The following USP24 variants were observed in gnomAD, a reference collection of about 807,000 sequenced individuals.
USP24 encodes ubiquitin carboxyl-terminal hydrolase 24.
USP24 carries 97 observed loss-of-function variants against 361.6 expected under a neutral mutation model. That is an observed-to-expected ratio of 0.27 (90% CI 0.23 to 0.32). The LOEUF (loss-of-function observed/expected upper bound fraction) is 0.32, where lower values mean the gene tolerates loss of function less well. Among genes scored for constraint, USP24 ranks in the 10% least tolerant of loss-of-function variants. The probability of loss-of-function intolerance (pLI) is 1.00; values close to 1 mark genes in which losing one functional copy is unlikely to be tolerated. For missense variants in USP24, 2,353 were observed against 3,165.6 expected (o/e 0.74, Z 6.16); for synonymous variants, 1,098 against 1,124.6 (o/e 0.98, Z 0.47).
Position 55,137,507 on chromosome 1 carries a change from C to A in USP24, c.3201+8G>T. 1.9e-6 allele frequency: 3 copies of A among 1,611,852 alleles called. No homozygotes were observed. In the South Asian group the frequency reaches 3.3e-5, roughly 18 times the overall value. ...CTTGTTTTTAAATGGAAATTGATCA[C>A]CCAGTACCTGCTCCATGGCATATGA... On this transcript the variant is annotated splice_region_variant and intron_variant, in intron 28 of 67. Transcript: ENST00000294383.
chr1:55,101,468 AT>A (rs1219373986), intron 43 of USP24, 115 bp downstream of exon 43: 1 of 1,401,708 alleles, frequency 7.1e-7, no homozygotes, highest in African/African-American at 1.5e-5. Flanking sequence ...CTACTAAAGA[AT>A]TGCAAGTTAT....
In USP24 at chr1:55,134,343, T is replaced by C. The variant is rs1646674843; in HGVS notation, c.3272A>G (p.Asn1091Ser). The change falls in exon 29 of 68, where the codon AAT (asparagine) becomes AGT (serine). Residue 1091 changes from asparagine (N) to serine (S), a missense_variant. This residue lies in a region of USP24 where 949 missense variants were observed against 1,280.5 expected (regional missense o/e 0.74). Transcript: ENST00000294383. ...TTATATTTACCTTGGCTCTTCCAGATTGGCGAGCTGATAAAGCATGTCAAA... is the reference window on the plus strand; with the variant it reads ...TTATATTTACCTTGGCTCTTCCAGACTGGCGAGCTGATAAAGCATGTCAAA... Reference protein sequence around the residue: ...NVFDMLYQLANLEEPRITLRV... With the variant: ...NVFDMLYQLASLEEPRITLRV... 3 of 1,612,578 alleles carry C rather than the reference T, an allele frequency of 1.9e-6. No homozygotes were observed. The highest frequency in any genetic ancestry group is 2.2e-5 in the East Asian group (1 of 44,848).
Position 55,086,160 on chromosome 1 carries a change from C to T in USP24, c.6669-122G>A, listed in dbSNP as rs543401120. On this transcript the variant is annotated intron_variant, in intron 55 of 67. Coordinates refer to ENST00000294383, the MANE Select transcript of USP24 (RefSeq NM_015306.3). ...GTAGAGTCTCCTGACAGTGTTAGCG[C>T]TTATGGGCCAAGTGGAGCTTTCCAA... 19 of 873,600 alleles carry T rather than the reference C, an allele frequency of 2.2e-5. No individual in the cohort carries two copies. In the East Asian group the frequency reaches 3.3e-4, roughly 15 times the overall value. The allele number at this position is 873,600 out of a possible 1,614,324, so 54.1% of individuals were successfully genotyped here. A position where few individuals can be genotyped will look rare whatever the true frequency, so the allele number is the denominator to read the frequency against.
intron 1 of USP24, among the ~76,000 whole-genome samples, chr1:55,212,027 G>T (rs894783744): frequency 1.3e-5 from 2 of 151,972 alleles, no homozygotes; most frequent in African/African-American, 4.8e-5. Flanking sequence ...TCCTTTGAAA[G>T]AGAGCCCGAA....
At position 55,092,881 on chromosome 1, in the gene USP24, A is replaced by G. The variant is rs1645413455; in HGVS notation, c.6390T>C (p.Asn2130=). 1.3e-6 allele frequency: 2 copies of G among 1,591,344 alleles called. No individual in the cohort carries two copies. Among genetic ancestry groups the G allele is most frequent in the South Asian group, 2.3e-5 (2 of 85,978 alleles). ...VRDENLKFMK[N]RDVYSSDYFS... is the part of the protein sequence containing the mutation. ...AATAATCACTACTGTATACATCTCT[A>G]TTCTTCATAAACTTGAGGTTCTCAT... Residue 2130 remains asparagine, a synonymous_variant, in exon 53 of 68, where the codon AAT becomes AAC. Coordinates refer to ENST00000294383, the MANE Select transcript of USP24 (RefSeq NM_015306.3).
At position 55,214,805 on chromosome 1, in the gene USP24, C is replaced by T. The variant is rs1356661587; in HGVS notation, c.309G>A (p.Glu103=). The change falls in exon 1 of 68, where the codon GAG becomes GAA. Residue 103 remains glutamate, a synonymous_variant. Transcript: ENST00000294383. The part of the protein sequence containing the change: ...GGFDPPPAYH[E]VVDAEKNDEN... Reference sequence around the variant, plus strand: ...CCCTCCTCACCTCCGCGTCCACCACCTCGTGGTAGGCGGGCGGGGGGTCGA... The same window carrying T: ...CCCTCCTCACCTCCGCGTCCACCACTTCGTGGTAGGCGGGCGGGGGGTCGA... The T allele has an allele frequency of 8.2e-7, 1 of 1,224,326 alleles. No homozygotes were observed. Among genetic ancestry groups the T allele is most frequent in the African/African-American group, 1.6e-5 (1 of 63,318 alleles). The allele number at this position is 1,224,326 out of a possible 1,614,324, so 75.8% of individuals were successfully genotyped here. A position where few individuals can be genotyped will look rare whatever the true frequency, so the allele number is the denominator to read the frequency against.
rs550896736 is a variant in USP24, at chr1:55,152,494, C to T, written c.1860+1376G>A. Among the ~76,000 whole-genome samples, 9 of 152,252 alleles carry T rather than the reference C, an allele frequency of 5.9e-5. No homozygotes were observed. The South Asian group carries it at 1.7e-3, about 28-fold the overall frequency. On this transcript the variant is annotated intron_variant, in intron 16 of 67. Transcript: ENST00000294383. Reference sequence around the variant, plus strand: ...TTTGACCTTTTATATATAAAAGAAACGTGTCTGTTGCTGAGAAGACAAGAC... The same window carrying T: ...TTTGACCTTTTATATATAAAAGAAATGTGTCTGTTGCTGAGAAGACAAGAC...
At chr1:55,183,092 C>G (rs997192280) in intron 1 of USP24, among the ~76,000 whole-genome samples, 1 of 152,172 alleles carries the variant, frequency 6.6e-6, no homozygotes, top group Admixed American at 6.5e-5. Context: ...GTACACTAGA[C>G]AAATACGACA....
intron 16 of USP24, among the ~76,000 whole-genome samples, chr1:55,153,106 G>A (rs1289281357): frequency 1.3e-5 from 2 of 152,184 alleles, no homozygotes; most frequent in Admixed American, 1.3e-4. Flanking sequence ...CACCCTGAGG[G>A]TCTAGGTGAG....
intron 35 of USP24, 136 bp from the exon 36 acceptor site, chr1:55,123,738 G>A: frequency 2.3e-6 from 2 of 864,538 alleles, no homozygotes; most frequent in Non-Finnish European, 3.3e-6. Context: ...AGAAGCAAGA[G>A]AGATTTAATA....
At chr1:55,124,934 A>T (rs1350981486) in intron 34 of USP24, among the ~76,000 whole-genome samples, 1 of 152,086 alleles carries the variant, frequency 6.6e-6, no homozygotes, top group African/African-American at 2.4e-5. Flanking sequence ...TAGTTTGCAC[A>T]TGTGCTCCCT....
intron 59 of USP24, among the ~76,000 whole-genome samples, chr1:55,080,223 T>C (rs974190323): frequency 6.6e-6 from 1 of 152,198 alleles, no homozygotes. Flanking sequence ...CGTTACAAAA[T>C]TGTCTGAACT....
At chr1:55,171,815 G>A (rs957400721) in intron 4 of USP24, 137 bp from the exon 5 acceptor site, 16 of 970,694 alleles carry the variant, frequency 1.6e-5, no homozygotes, top group African/African-American at 5.0e-5. Flanking sequence ...GAAAGCATAC[G>A]CCTTAGCTAG....
At position 55,137,372 on chromosome 1, in the gene USP24, G is replaced by T. The variant is rs115116700; in HGVS notation, c.3201+143C>A. 7.4e-4 allele frequency: 820 copies of T among 1,107,390 alleles called. 3 individuals carry two copies. The African/African-American group carries it at 0.011, about 15-fold the overall frequency. 68.6% of individuals were successfully genotyped at this position (1,107,390 alleles called of 1,614,324 possible). ...ACTGAAGGTGTAAGTGGGATGAAGA[G>T]ATTTTTTTAAGATGGAAGAAATAAC... is the stretch of plus-strand genomic sequence containing the variant. On this transcript the variant is annotated intron_variant, in intron 28 of 67. Transcript: ENST00000294383.
intron 5 of USP24, among the ~76,000 whole-genome samples, chr1:55,167,059 A>G (rs1460134135): frequency 6.6e-6 from 1 of 152,112 alleles, no homozygotes; most frequent in African/African-American, 2.4e-5. Context: ...TTGAGCATTC[A>G]CTGTTCTAGG....
chr1:55,179,486 C>T (rs1447188936), intron 1 of USP24, among the ~76,000 whole-genome samples: 1 of 152,216 alleles, frequency 6.6e-6, no homozygotes, highest in Non-Finnish European at 1.5e-5. Flanking sequence ...TTCAGACCCA[C>T]AAATGCAACT....
chr1:55,180,134 C>G (rs1643920056), intron 1 of USP24, among the ~76,000 whole-genome samples: 1 of 152,148 alleles, frequency 6.6e-6, no homozygotes, highest in Admixed American at 6.5e-5. Flanking sequence ...AAGGCCACAG[C>G]AGTATTTCTG....
intron 38 of USP24, 30 bp from the exon 39 acceptor site, chr1:55,110,276 TAA>T: frequency 6.8e-7 from 1 of 1,480,724 alleles, no homozygotes; most frequent in Non-Finnish European, 9.0e-7. Context: ...CAGTTACTAA[TAA>T]GAGGCTGATT....
chr1:55,138,002 G>A, intron 26 of USP24, 98 bp from the exon 27 acceptor site: 1 of 1,179,524 alleles, frequency 8.5e-7, no homozygotes, highest in South Asian at 1.4e-5. Flanking sequence ...CACTGTTCTA[G>A]AAGCTGGGAA....
Sources: gnomAD v4.1 joint callset for allele counts (sites outside exome capture counted in the v4.1 genomes callset) on GRCh38, gnomAD v4.1.1 for gene constraint, gnomAD v4.1.1 regional missense constraint, MANE v1.5 for transcripts, NCBI Gene and HGNC (gene_info 2026-07-23, HGNC 2026-07-21) for gene names.